STAT5A: variants seen among roughly 807,000 people sequenced by gnomAD.
STAT5A encodes the protein epididymis secretory sperm binding protein.
STAT5A carries 26 observed loss-of-function variants against 100.2 expected under a neutral mutation model. The ratio of observed to expected loss-of-function variants is 0.26; its 90% CI spans 0.19 to 0.36. The LOEUF is 0.36. STAT5A is among the 10% of genes least tolerant of loss of function. STAT5A has a pLI of 1.00. For synonymous variants in STAT5A, 330 were observed against 424.3 expected (o/e 0.78, Z 2.73); for missense variants, 634 against 1,027.5 (o/e 0.62, Z 5.24).
intron 5 of STAT5A, among the ~76,000 whole-genome samples, chr17:42,297,609 C>T (rs2080931071): frequency 6.6e-6 from 1 of 151,712 alleles, no homozygotes; most frequent in South Asian, 2.1e-4. Context: ...CTAAAAGCTT[C>T]TGCAAATTTC....
Position 42,292,062 on chromosome 17 carries a change from G to T in STAT5A, c.375+1G>T. The stretch of plus-strand genomic sequence containing the variant: ...GAGGCTGGTCCGAGAAGCCAACAAT[G>T]TGAGTGTCCCTTGGGGATGGGGAGG... On this transcript the variant is annotated splice_donor_variant, in intron 4 of 18. Transcript: ENST00000590949. LOFTEE classifies it high-confidence loss of function. 6.2e-7 allele frequency: 1 copy of T among 1,613,898 alleles called. No homozygotes were observed. The highest frequency in any genetic ancestry group is 8.5e-7 in the Non-Finnish European group (1 of 1,179,832).
chr17:42,290,315 T>C (rs2080858389), intron 3 of STAT5A: 1 of 284,888 alleles, frequency 3.5e-6, no homozygotes, highest in Non-Finnish European at 6.5e-6. Context: ...ATTCCTATGT[T>C]GGAGAAGGGA....
chr17:42,306,099 G>A (rs751429979), intron 12 of STAT5A, 142 bp from the exon 13 acceptor site: 24 of 1,442,458 alleles, frequency 1.7e-5, no homozygotes, highest in Admixed American at 2.1e-5. Context: ...AAAAGCCGCC[G>A]CATTTCCTGC....
intron 12 of STAT5A, 28 bp from the exon 13 acceptor site, chr17:42,306,213 C>G (rs1567693507): frequency 1.2e-6 from 2 of 1,613,932 alleles, no homozygotes; most frequent in Admixed American, 1.7e-5. Context: ...CTCAATCTAC[C>G]TTTTCCCCTC....
At chr17:42,294,623 T>C (rs1345900767) in intron 4 of STAT5A, among the ~76,000 whole-genome samples, 1 of 152,200 alleles carries the variant, frequency 6.6e-6, no homozygotes, top group African/African-American at 2.4e-5. Context: ...GTGCTTTGCC[T>C]CAGGAGGATC....
chr17:42,292,125 A>G (rs966964495), intron 4 of STAT5A, 64 bp downstream of exon 4: 3 of 1,574,134 alleles, frequency 1.9e-6, no homozygotes, highest in African/African-American at 2.7e-5. Flanking sequence ...TTCTCTCCAG[A>G]AACAACTGTG....
At chr17:42,291,222 GA>G (rs1457124141) in intron 3 of STAT5A, among the ~76,000 whole-genome samples, 1 of 152,190 alleles carries the variant, frequency 6.6e-6, no homozygotes, top group African/African-American at 2.4e-5. Flanking sequence ...TGCCATTGCT[GA>G]TCTGACAGGA....
At chr17:42,302,678 A>G (rs2080992640) in intron 9 of STAT5A, among the ~76,000 whole-genome samples, 1 of 152,214 alleles carries the variant, frequency 6.6e-6, no homozygotes, top group South Asian at 2.1e-4. Flanking sequence ...TCACGCCTGT[A>G]ATCCCAGCAC....
rs184745885 is a variant in STAT5A, at chr17:42,297,345, C to T, written c.550+1552C>T. Among the ~76,000 whole-genome samples the T allele has an allele frequency of 2.6e-4, 39 of 152,286 alleles. 1 individual carries two copies. In the East Asian group the frequency reaches 5.2e-3, roughly 20 times the overall value. ...GAGAATGGAAACGGAAGATTTTGGGCGGTTATTCCTACCCAAGTCCTTAGA... is the reference window on the plus strand; with the variant it reads ...GAGAATGGAAACGGAAGATTTTGGGTGGTTATTCCTACCCAAGTCCTTAGA... On this transcript the variant is annotated intron_variant, in intron 5 of 18. Coordinates refer to ENST00000590949, the MANE Select transcript of STAT5A (RefSeq NM_001288718.2).
chr17:42,299,215 G>A (rs2080950745), intron 5 of STAT5A, among the ~76,000 whole-genome samples: 1 of 152,176 alleles, frequency 6.6e-6, no homozygotes, highest in South Asian at 2.1e-4. Flanking sequence ...TAACCAAGAA[G>A]CACGAACCTC....
intron 13 of STAT5A, 29 bp downstream of exon 13, chr17:42,306,476 C>T (rs757611970): frequency 5.0e-6 from 8 of 1,590,472 alleles, no homozygotes; most frequent in South Asian, 1.1e-5. Flanking sequence ...AGCCGCCCAC[C>T]AGGGCCCACC....
At chr17:42,295,079 G>A (rs1265158101) in intron 4 of STAT5A, among the ~76,000 whole-genome samples, 1 of 152,124 alleles carries the variant, frequency 6.6e-6, no homozygotes, top group Non-Finnish European at 1.5e-5. Flanking sequence ...TCATTTCGGG[G>A]TCTCCAGGAT....
intron 18 of STAT5A, among the ~76,000 whole-genome samples, chr17:42,309,867 T>C (rs2081063985): frequency 6.6e-6 from 1 of 152,200 alleles, no homozygotes; most frequent in Non-Finnish European, 1.5e-5. Context: ...GTGGTTGTTC[T>C]TGAGTCTGGT....
At position 42,299,793 on chromosome 17, in the gene STAT5A, T is replaced by G; in HGVS notation, c.593T>G (p.Leu198Arg). The change falls in exon 6 of 19, where the codon CTG becomes CGG. Residue 198 changes from leucine (L) to arginine (R), a missense_variant. Leu to Arg is a moderately radical substitution (Grantham distance 102). Transcript: ENST00000590949. Reference protein sequence around the residue: ...QLAQLSPQERLSRETALQQKQ... With the variant: ...QLAQLSPQERRSRETALQQKQ... ...GCCCAGCTGAGCCCCCAGGAGCGTC[T>G]GAGCCGGGAGACGGCCCTCCAGCAG... 6.2e-7 allele frequency: 1 copy of G among 1,614,078 alleles called. No homozygotes were observed. Among genetic ancestry groups the G allele is most frequent in the East Asian group, 2.2e-5 (1 of 44,872 alleles).
chr17:42,302,965 A>G (rs1393639216), intron 9 of STAT5A, among the ~76,000 whole-genome samples: 2 of 149,656 alleles, frequency 1.3e-5, no homozygotes, highest in Non-Finnish European at 3.0e-5. Context: ...AAAAAAAAAA[A>G]GGCCAGGCAC....
rs746302963 is a variant in STAT5A at position 42,308,372 on chromosome 17, G to A, written c.2062+39G>A. ...CAGGACCCTGCCGGCTGACTCCCCC[G>A]GGCTCTTCCCCAGCCCATAGACAAA... On this transcript the variant is annotated intron_variant, in intron 16 of 18. Transcript: ENST00000590949. This position sits in a 1 kb window ranked among gnomAD's most constrained non-coding sequence, Gnocchi z 4.6. 8.6e-5 allele frequency: 138 copies of A among 1,613,402 alleles called. 2 individuals are homozygous for A. In the Admixed American group the frequency reaches 2.0e-3, roughly 23 times the overall value.
chr17:42,290,185 C>T (rs1440104436), intron 3 of STAT5A, 163 bp downstream of exon 3: 2 of 1,079,532 alleles, frequency 1.9e-6, no homozygotes, highest in African/African-American at 1.6e-5. Context: ...TAAATTCGAC[C>T]TGTCGGATTT....
At chr17:42,302,914 C>T (rs1232205744) in intron 9 of STAT5A, among the ~76,000 whole-genome samples, 1 of 151,426 alleles carries the variant, frequency 6.6e-6, no homozygotes, top group Non-Finnish European at 1.5e-5. Context: ...AAGATTGTGC[C>T]ACTGCACTCC....
At chr17:42,303,498 T>A (rs2081000651) in intron 9 of STAT5A, among the ~76,000 whole-genome samples, 1 of 152,118 alleles carries the variant, frequency 6.6e-6, no homozygotes, top group Admixed American at 6.5e-5. Context: ...TCGTTTGAGA[T>A]CAGGAGTTCG....
Sources: gnomAD v4.1 joint callset for allele counts (sites outside exome capture counted in the v4.1 genomes callset) on GRCh38, gnomAD v4.1.1 for gene constraint, Gnocchi (gnomAD v3.1) non-coding constraint, MANE v1.5 for transcripts, NCBI Gene and HGNC (gene_info 2026-07-23, HGNC 2026-07-21) for gene names.